Variants in FTSJ3 observed in about 807,000 individuals in gnomAD.
The protein encoded by FTSJ3 is pre-rRNA 2'-O-ribose RNA methyltransferase FTSJ3.
In FTSJ3, 46 loss-of-function variants were observed where a neutral mutation model predicts 111.5. The ratio of observed to expected loss-of-function variants is 0.41; its 90% confidence interval spans 0.33 to 0.53. FTSJ3 has a LOEUF of 0.53. Ranked by LOEUF, FTSJ3 falls within the 20% of genes least tolerant of loss-of-function variation. The pLI is 0.19. For missense variants in FTSJ3, 1,075 were observed against 1,063.8 expected (o/e 1.01, Z -0.15); for synonymous variants, 408 against 383.0 (o/e 1.07, Z -0.76).
At chr17:63,820,215 A>G in intron 19 of FTSJ3, 40 bp downstream of exon 19, 2 of 279,826 alleles carry the variant, frequency 7.1e-6, no homozygotes, top group Non-Finnish European at 1.3e-5. Flanking sequence ...CCATCCCCCC[A>G]CCCCCACCCC....
Position 63,827,405 on chromosome 17 carries a change from G to C in FTSJ3, c.-380C>G. 6.5e-7 allele frequency: 1 copy of C among 1,542,118 alleles called. No homozygotes were observed. The highest frequency in any genetic ancestry group is 8.8e-7 in the Non-Finnish European group (1 of 1,138,566). ...GCCCATTGACCCGGAATTCTTCTCT[G>C]CCTGGTCTTCAGGTCCCAATCCTCC... On this transcript the variant is annotated 5_prime_UTR_variant, in exon 1 of 21. Coordinates refer to ENST00000427159, the MANE Select transcript of FTSJ3 (RefSeq NM_017647.4).
intron 13 of FTSJ3, 49 bp from the exon 14 acceptor site, chr17:63,822,217 G>GT (rs748367863): frequency 6.4e-3 from 9,186 of 1,444,554 alleles, no homozygotes; most frequent in Non-Finnish European, 7.2e-3. Context: ...GAAATATACT[G>GT]TTTTTTTTTC....
rs148527553 is a variant in FTSJ3, at chr17:63,822,033, C to G, written c.1426G>C (p.Glu476Gln). The G allele has an allele frequency of 2.5e-6, 4 of 1,614,094 alleles. No homozygotes were observed. The African/African-American group carries it at 4.0e-5, about 16-fold the overall frequency. Residue 476 changes from glutamate (E) to glutamine (Q), a missense_variant, in exon 14 of 21, where the codon GAG (glutamate) becomes CAG (glutamine). Glu to Gln is a conservative substitution (Grantham distance 29). Coordinates refer to ENST00000427159, the MANE Select transcript of FTSJ3 (RefSeq NM_017647.4). ...TGTCCCCTGACTCCTGCCAGCTCCTCTGGATCCAGGTCACTATCCAGAGAT... is the reference window on the plus strand; with the variant it reads ...TGTCCCCTGACTCCTGCCAGCTCCTGTGGATCCAGGTCACTATCCAGAGAT... ...DTSLDSDLDP[E>Q]ELAGVRGHQG...
rs1318256400 is a variant in FTSJ3, at chr17:63,821,804, CTCCTCCTCTTTA to C, written c.1503_1514del (p.Asp501_Glu504del). The C allele has an allele frequency of 6.2e-7, 1 of 1,614,158 alleles. No individual in the cohort carries two copies. The highest frequency in any genetic ancestry group is 1.1e-5 in the South Asian group (1 of 91,076). ...GTACCAGCAGTGGATTCTCCTCCTCCTCCTCCTCTTTATCATCTTGCACTTCAGTAAGTCGCA... is the reference window on the plus strand; with the variant it reads ...GTACCAGCAGTGGATTCTCCTCCTCCTCATCTTGCACTTCAGTAAGTCGCA... On this transcript the variant is annotated inframe_deletion, in exon 15 of 21. Transcript: ENST00000427159.
chr17:63,820,047 C>G (rs542369102), intron 20 of FTSJ3, 32 bp downstream of exon 20: 2 of 1,613,900 alleles, frequency 1.2e-6, no homozygotes, highest in South Asian at 2.2e-5. Context: ...GCACTTTTAG[C>G]CCTGTGTACC....
At position 63,827,197 on chromosome 17, in the gene FTSJ3, C is replaced by T; in HGVS notation, c.-172G>A. Reference sequence around the variant, plus strand: ...CCTAGATTGTTCTCAATACTCTGTCCTTGGGTTTTGTAAGTTGAAAGTTGA... The same window carrying T: ...CCTAGATTGTTCTCAATACTCTGTCTTTGGGTTTTGTAAGTTGAAAGTTGA... On this transcript the variant is annotated 5_prime_UTR_variant, in exon 1 of 21. Transcript: ENST00000427159. The T allele has an allele frequency of 1.7e-6, 1 of 605,082 alleles. No individual in the cohort carries two copies. The highest frequency in any genetic ancestry group is 2.9e-6 in the Non-Finnish European group (1 of 341,938). The allele number at this position is 605,082 out of a possible 1,614,324, so 37.5% of individuals were successfully genotyped here.
rs753276097 is a variant in FTSJ3 at position 63,826,560 on chromosome 17, T to TA, written c.173+6dup. On this transcript the variant is annotated splice_region_variant and intron_variant, in intron 3 of 20. Coordinates refer to ENST00000427159, the MANE Select transcript of FTSJ3 (RefSeq NM_017647.4). ...ACCAGGAGCAACCTGTGGCGAGTGT[T>TA]ACGAACCATCCCCCTGGCGCAGCAC... 1.4e-5 allele frequency: 23 copies of TA among 1,611,540 alleles called. No individual in the cohort carries two copies. The South Asian group carries it at 2.4e-4, about 17-fold the overall frequency.
At position 63,826,680 on chromosome 17, in the gene FTSJ3, AAAC is replaced by A. The variant is rs550668371; in HGVS notation, c.68-11_68-9del. 1.6e-4 allele frequency: 250 copies of A among 1,611,888 alleles called. 2 individuals carry two copies. The African/African-American group carries it at 2.9e-3, about 19-fold the overall frequency. On this transcript the variant is annotated splice_polypyrimidine_tract_variant and intron_variant, in intron 2 of 20. Transcript: ENST00000427159. The stretch of plus-strand genomic sequence containing the variant: ...CAGATCGGGAACGGTAACCTGGACA[AAAC>A]AACCAAGTGCGCAAACTGCTTCACT...
Position 63,827,087 on chromosome 17 carries a change from G to T in FTSJ3, c.-62C>A, listed in dbSNP as rs1199972537. ...AGCCGCTTTCTCCACACTTGGAACCGCACAAGTATGCAGCTAACTACTTCC... is the reference window on the plus strand; with the variant it reads ...AGCCGCTTTCTCCACACTTGGAACCTCACAAGTATGCAGCTAACTACTTCC... On this transcript the variant is annotated 5_prime_UTR_variant, in exon 1 of 21. Transcript: ENST00000427159. 1.7e-6 allele frequency: 1 copy of T among 593,748 alleles called. No individual in the cohort carries two copies. The highest frequency in any genetic ancestry group is 2.9e-6 in the Non-Finnish European group (1 of 347,906). 36.8% of individuals were successfully genotyped at this position (593,748 alleles called of 1,614,324 possible).
intron 5 of FTSJ3, 115 bp downstream of exon 5, chr17:63,825,941 T>C: frequency 1.2e-6 from 1 of 821,942 alleles, no homozygotes; most frequent in Non-Finnish European, 2.0e-6. Context: ...GTCGTACAGA[T>C]GTCAGGCAAG....
Position 63,827,657 on chromosome 17 carries a change from C to G in FTSJ3, c.-632G>C, listed in dbSNP as rs2040126109. On this transcript the variant is annotated 5_prime_UTR_variant, in exon 1 of 21. Coordinates refer to ENST00000427159, the MANE Select transcript of FTSJ3 (RefSeq NM_017647.4). ...GTCCATGCTGGACGCTGCCTGCGAC[C>G]GGATCTGCTGTGTCAGCGCCGCCCT... The G allele has an allele frequency of 6.7e-7, 1 of 1,502,330 alleles. No homozygotes were observed. Among genetic ancestry groups the G allele is most frequent in the East Asian group, 2.5e-5 (1 of 40,154 alleles). 93.1% of individuals were successfully genotyped at this position (1,502,330 alleles called of 1,614,324 possible). A position where few individuals can be genotyped will look rare whatever the true frequency, so the allele number is the denominator to read the frequency against.
At chr17:63,826,810 C>G (rs778141781) in intron 2 of FTSJ3, 26 bp downstream of exon 2, 1 of 1,611,740 alleles carries the variant, frequency 6.2e-7, no homozygotes, top group Non-Finnish European at 8.5e-7. Context: ...CTCGCTCGCT[C>G]GCAGACTGAG....
At chr17:63,821,167 C>G (rs1339618733) in intron 16 of FTSJ3, 52 bp from the exon 17 acceptor site, 4 of 1,589,628 alleles carry the variant, frequency 2.5e-6, no homozygotes, top group Non-Finnish European at 3.5e-6. Flanking sequence ...ACTACTCAGA[C>G]CGCACTCCCA....
Position 63,821,502 on chromosome 17 carries a change from T to C in FTSJ3, c.1738A>G (p.Thr580Ala), listed in dbSNP as rs777932802. The stretch of plus-strand genomic sequence containing the variant: ...TGGTACAGGGGAGACATTATCTCAG[T>C]CTTCAAACAGGAAGGGGGTGTCTGT... ...LPQTPPSCLK[T>A]EIMSPLYQDE... Residue 580 changes from threonine to alanine, a missense_variant, in exon 16 of 21, where the codon ACT (threonine) becomes GCT (alanine). Thr to Ala is a moderately conservative substitution (Grantham distance 58). Around this residue, in one of 2 missense-constraint regions of FTSJ3, gnomAD observed 867 missense variants for 796.9 expected, o/e 1.09. Transcript: ENST00000427159. 5 of 1,614,106 alleles carry C rather than the reference T, an allele frequency of 3.1e-6. No individual in the cohort carries two copies. In the South Asian group the frequency reaches 4.4e-5, roughly 14 times the overall value.
intron 4 of FTSJ3, 36 bp from the exon 5 acceptor site, chr17:63,826,171 G>A (rs761888918): frequency 6.2e-7 from 1 of 1,610,946 alleles, no homozygotes; most frequent in East Asian, 2.2e-5. Flanking sequence ...CTAAAAGGTT[G>A]CTTCAAGCAG....
chr17:63,819,720 C>G lies in FTSJ3; in HGVS notation c.*82G>C, dbSNP rs953711835. On this transcript the variant is annotated 3_prime_UTR_variant, in exon 21 of 21. Transcript: ENST00000427159. ...GCTGTGATGTGAGCAGGGGCTAGGC[C>G]GGTAATCAAGGGGGCCAGACTGAGC... is the stretch of plus-strand genomic sequence containing the variant. The G allele has an allele frequency of 7.7e-7, 1 of 1,299,962 alleles. No homozygotes were observed. Among genetic ancestry groups the G allele is most frequent in the Non-Finnish European group, 1.1e-6 (1 of 937,250 alleles). 80.5% of individuals were successfully genotyped at this position (1,299,962 alleles called of 1,614,324 possible). A position where few individuals can be genotyped will look rare whatever the true frequency, so the allele number is the denominator to read the frequency against.
In FTSJ3 at chr17:63,826,081, T is replaced by C; in HGVS notation, c.275A>G (p.Asp92Gly). The change falls in exon 5 of 21, where the codon GAC (aspartate) becomes GGC (glycine). Residue 92 changes from aspartate to glycine, a missense_variant. Around this residue, in one of 2 missense-constraint regions of FTSJ3, gnomAD observed 208 missense variants for 266.9 expected, o/e 0.78. Coordinates refer to ENST00000427159, the MANE Select transcript of FTSJ3 (RefSeq NM_017647.4). ...CTGCCTACAACGTTCTGTTGTGATG[T>C]CCTGCTGGAGAGTCACCACATTGGG... ...PLPNVVTLQQDITTERCRQAL... is the reference protein window; with the variant it reads ...PLPNVVTLQQGITTERCRQAL... 6.2e-7 allele frequency: 1 copy of C among 1,613,428 alleles called. No individual in the cohort carries two copies. The highest frequency in any genetic ancestry group is 8.5e-7 in the Non-Finnish European group (1 of 1,179,412).
At chr17:63,823,163 G>T in intron 13 of FTSJ3, among the ~76,000 whole-genome samples, 1 of 152,180 alleles carries the variant, frequency 6.6e-6, no homozygotes, top group East Asian at 1.9e-4. Flanking sequence ...CCTAATGCGA[G>T]TGCTCACTTG....
chr17:63,825,977 G>A, intron 5 of FTSJ3, 79 bp downstream of exon 5: 2 of 1,250,862 alleles, frequency 1.6e-6, no homozygotes, highest in South Asian at 1.3e-5. Flanking sequence ...CGGTAAAAAG[G>A]AAAAACTTGC....
Sources: gnomAD v4.1 joint callset for allele counts (sites outside exome capture counted in the v4.1 genomes callset) on GRCh38, gnomAD v4.1.1 for gene constraint, gnomAD v4.1.1 regional missense constraint, MANE v1.5 for transcripts, NCBI Gene and HGNC (gene_info 2026-07-23, HGNC 2026-07-21) for gene names.